B4GALT6: variants seen among roughly 807,000 people sequenced by gnomAD.
B4GALT6 encodes UDP-Gal:beta-GlcNAc beta-1,4-galactosyltransferase 6.
A neutral mutation model predicts 46.3 loss-of-function variants in B4GALT6; 14 were observed. The observed-to-expected ratio is 0.30, with a 90% confidence interval of 0.20 to 0.47. The LOEUF (loss-of-function observed/expected upper bound fraction) is 0.47. B4GALT6 is among the 20% of genes least tolerant of loss of function. The pLI is 0.99. For synonymous variants in B4GALT6, 168 were observed against 162.0 expected, an observed-to-expected ratio of 1.04 and a Z score of -0.28; for missense variants, 386 against 480.1, an observed-to-expected ratio of 0.80 and a Z score of 1.83.
rs2073667744 is a variant in B4GALT6, at chr18:31,624,881, T to C, written c.*733A>G. The C allele has an allele frequency of 6.6e-6, 1 of 152,646 alleles. No individual in the cohort carries two copies. The highest frequency in any genetic ancestry group is 2.4e-5 in the African/African-American group (1 of 41,450). The allele number at this position is 152,646 out of a possible 1,614,324, so 9.5% of individuals were successfully genotyped here. A position where few individuals can be genotyped will look rare whatever the true frequency, so the allele number is the denominator to read the frequency against. ...TTTTCTTGGTAATACTCATGCAATA[T>C]GCATAAACAATATGGTTGTGATTTC... On this transcript the variant is annotated 3_prime_UTR_variant, in exon 9 of 9. Transcript: ENST00000306851.
the B4GALT6 span, among the ~76,000 whole-genome samples, chr18:31,695,433 G>A: frequency 6.6e-6 from 1 of 152,138 alleles, no homozygotes; most frequent in Non-Finnish European, 1.5e-5. Context: ...TTGGGACACA[G>A]CAGAATTCTT....
Position 31,630,967 on chromosome 18 carries a change from G to A in B4GALT6, c.768C>T (p.Tyr256=). The A allele has an allele frequency of 6.2e-7, 1 of 1,614,088 alleles. No individual in the cohort carries two copies. The highest frequency in any genetic ancestry group is 8.5e-7 in the Non-Finnish European group (1 of 1,179,982). ...TAGTGCACACTACTTACATATACAT[G>A]TATTTATCCAGCTTTGCAGCAAAAT... is the stretch of plus-strand genomic sequence containing the variant. ...PRHFAAKLDK[Y]MYILPYKEFF... Residue 256 remains tyrosine (Y), a synonymous_variant, in exon 6 of 9, where the codon TAC becomes TAT. Transcript: ENST00000306851.
chr18:31,672,717 T>A (rs905359786), intron 1 of B4GALT6, among the ~76,000 whole-genome samples: 1 of 152,200 alleles, frequency 6.6e-6, no homozygotes, highest in African/African-American at 2.4e-5. Flanking sequence ...ACTATTATTA[T>A]CCCCATTTTT....
At chr18:31,646,020 C>T (rs554911691) in intron 3 of B4GALT6, among the ~76,000 whole-genome samples, 1 of 152,306 alleles carries the variant, frequency 6.6e-6, no homozygotes, top group East Asian at 1.9e-4. Context: ...GTGGTTGTAT[C>T]CATTCCAAGA....
intron 3 of B4GALT6, among the ~76,000 whole-genome samples, chr18:31,647,353 A>C (rs1318909439): frequency 6.6e-6 from 1 of 152,158 alleles, no homozygotes; most frequent in Non-Finnish European, 1.5e-5. Flanking sequence ...TCTCCAACGC[A>C]TATGTGCTGG....
rs1431474682 is a variant in B4GALT6 at position 31,631,048 on chromosome 18, C to T, written c.687G>A (p.Val229=). Residue 229 remains valine, a synonymous_variant, in exon 6 of 9, where the codon GTG becomes GTA. Coordinates refer to ENST00000306851, the MANE Select transcript of B4GALT6 (RefSeq NM_004775.5). ...TCCGGTCATTTTCAGGTAGATGATC[C>T]ACATCGTGGAAGATTACACAGTCCC... The part of the protein sequence containing the change: ...SVWDCVIFHD[V]DHLPENDRNY... The T allele has an allele frequency of 3.1e-6, 5 of 1,614,004 alleles. No individual in the cohort carries two copies. The highest frequency in any genetic ancestry group is 2.2e-5 in the South Asian group (2 of 91,076).
intron 3 of B4GALT6, among the ~76,000 whole-genome samples, chr18:31,657,217 A>G (rs572677395): frequency 6.6e-6 from 1 of 151,694 alleles, no homozygotes; most frequent in Non-Finnish European, 1.5e-5. Context: ...ATATATATAT[A>G]TATTTTTTTT....
the B4GALT6 span, among the ~76,000 whole-genome samples, chr18:31,691,332 T>C: frequency 1.5e-4 from 8 of 53,226 alleles, no homozygotes; most frequent in Admixed American, 4.1e-4. Context: ...TATATATATA[T>C]ATATATATAT....
chr18:31,717,815 G>T, the B4GALT6 span, among the ~76,000 whole-genome samples: 1 of 152,020 alleles, frequency 6.6e-6, no homozygotes, highest in African/African-American at 2.4e-5. Flanking sequence ...TTAGCCGAGC[G>T]TGGTGGCACA....
intron 2 of B4GALT6, 47 bp from the exon 3 acceptor site, chr18:31,658,136 G>A: frequency 7.6e-7 from 1 of 1,319,794 alleles, no homozygotes; most frequent in Non-Finnish European, 1.1e-6. Context: ...AAGGCCTTTT[G>A]CTTTCTCCCT....
the B4GALT6 span, among the ~76,000 whole-genome samples, chr18:31,704,106 T>TATA: frequency 2.6e-5 from 4 of 151,784 alleles, no homozygotes; most frequent in Admixed American, 6.6e-5. Flanking sequence ...ATCAAGTACA[T>TATA]ATAATAATAA....
chr18:31,651,983 G>C (rs886296466), intron 3 of B4GALT6, among the ~76,000 whole-genome samples: 1 of 152,048 alleles, frequency 6.6e-6, no homozygotes, highest in African/African-American at 2.4e-5. Context: ...TGTTAGCCAG[G>C]ATGGTCTCGA....
the B4GALT6 span, among the ~76,000 whole-genome samples, chr18:31,712,287 A>T: frequency 6.7e-3 from 563 of 84,254 alleles, 2 homozygotes; most frequent in Middle Eastern, 0.016. Context: ...CTGGGACGTT[A>T]TTTTTTTTTT....
intron 6 of B4GALT6, among the ~76,000 whole-genome samples, chr18:31,630,202 A>T (rs1415232684): frequency 6.6e-6 from 1 of 151,866 alleles, no homozygotes; most frequent in Non-Finnish European, 1.5e-5. Context: ...GCTTCTCTGT[A>T]CTCTAGATTA....
At chr18:31,681,494 T>C (rs1490787692) in intron 1 of B4GALT6, among the ~76,000 whole-genome samples, 1 of 152,220 alleles carries the variant, frequency 6.6e-6, no homozygotes, top group East Asian at 1.9e-4. Flanking sequence ...CTGTATGCAT[T>C]AGACACTTCA....
chr18:31,718,061 A>G, the B4GALT6 span, among the ~76,000 whole-genome samples: 1 of 152,192 alleles, frequency 6.6e-6, no homozygotes, highest in Non-Finnish European at 1.5e-5. Context: ...CTAACATTTT[A>G]TGATGAGTTT....
intron 1 of B4GALT6, among the ~76,000 whole-genome samples, chr18:31,673,939 G>C (rs942678061): frequency 6.0e-5 from 9 of 150,526 alleles, no homozygotes; most frequent in African/African-American, 2.2e-4. Context: ...CACACACACA[G>C]ACACACACAC....
At chr18:31,695,030 T>G in the B4GALT6 span, among the ~76,000 whole-genome samples, 1 of 152,184 alleles carries the variant, frequency 6.6e-6, no homozygotes, top group Non-Finnish European at 1.5e-5. Context: ...CTTCATCGTA[T>G]AATAATTCTT....
chr18:31,695,868 A>G, the B4GALT6 span, among the ~76,000 whole-genome samples: 3 of 152,226 alleles, frequency 2.0e-5, no homozygotes, highest in African/African-American at 4.8e-5. Flanking sequence ...ATACCTCCAA[A>G]TAGACCAGGA....
Sources: allele counts gnomAD v4.1 joint callset (sites outside exome capture counted in the v4.1 genomes callset), GRCh38; gene constraint gnomAD v4.1.1; transcripts MANE v1.5; gene names NCBI Gene and HGNC (gene_info 2026-07-23, HGNC 2026-07-21).